The following C1orf21 variants were observed in gnomAD, a reference collection of about 807,000 sequenced individuals.
C1orf21 encodes the protein uncharacterized protein C1orf21.
A neutral mutation model predicts 18.7 loss-of-function variants in C1orf21; 3 were observed. That is an observed-to-expected ratio of 0.16 (90% CI 0.07 to 0.42). C1orf21 has a LOEUF of 0.42. Among genes scored for constraint, C1orf21 ranks in the 10% least tolerant of loss-of-function variants. C1orf21 has a pLI of 0.99. For missense variants in C1orf21, 104 were observed against 143.6 expected, an observed-to-expected ratio of 0.72 and a Z score of 1.41; for synonymous variants, 41 against 46.4, an observed-to-expected ratio of 0.88 and a Z score of 0.47.
intron 3 of C1orf21, among the ~76,000 whole-genome samples, chr1:184,568,939 C>T (rs1659071240): frequency 6.6e-6 from 1 of 152,198 alleles, no homozygotes; most frequent in Non-Finnish European, 1.5e-5. Flanking sequence ...TATTGAGTAC[C>T]TACCACATTA....
At chr1:184,495,502 T>C (rs1439346208) in intron 2 of C1orf21, among the ~76,000 whole-genome samples, 1 of 152,214 alleles carries the variant, frequency 6.6e-6, no homozygotes, top group Non-Finnish European at 1.5e-5. Context: ...CTGCTTTGCA[T>C]TGTTACCTTT....
intron 1 of C1orf21, among the ~76,000 whole-genome samples, chr1:184,401,931 A>G (rs998039096): frequency 6.6e-6 from 1 of 152,154 alleles, no homozygotes; most frequent in Non-Finnish European, 1.5e-5. Context: ...TTAAGAACTA[A>G]TGCGTGTTTT....
chr1:184,562,530 C>T (rs1329206096), intron 3 of C1orf21, among the ~76,000 whole-genome samples: 1 of 152,206 alleles, frequency 6.6e-6, no homozygotes, highest in African/African-American at 2.4e-5. Context: ...GACATTGCCT[C>T]CTACTTCAAG....
chr1:184,428,803 G>T (rs1339113060), intron 1 of C1orf21, among the ~76,000 whole-genome samples: 2 of 152,096 alleles, frequency 1.3e-5, no homozygotes, highest in African/African-American at 4.8e-5. Context: ...AGGGAAAGAA[G>T]CTGGGTCTGA....
At chr1:184,534,421 T>C (rs1658516106) in intron 3 of C1orf21, among the ~76,000 whole-genome samples, 1 of 152,218 alleles carries the variant, frequency 6.6e-6, no homozygotes, top group South Asian at 2.1e-4. Flanking sequence ...ATCTGGGTCT[T>C]CTCATTCCAG....
intron 3 of C1orf21, among the ~76,000 whole-genome samples, chr1:184,577,378 C>G (rs979223230): frequency 5.3e-5 from 8 of 151,974 alleles, no homozygotes; most frequent in African/African-American, 1.9e-4. Flanking sequence ...CAGGTTCTCT[C>G]CTGTTGCCTT....
intron 2 of C1orf21, among the ~76,000 whole-genome samples, chr1:184,486,444 T>C (rs1190393922): frequency 6.6e-6 from 1 of 152,166 alleles, no homozygotes; most frequent in African/African-American, 2.4e-5. Flanking sequence ...GAGGAACACA[T>C]AGTTAATAAG....
intron 1 of C1orf21, among the ~76,000 whole-genome samples, chr1:184,422,844 C>T (rs1243562815): frequency 2.0e-5 from 3 of 152,226 alleles, no homozygotes; most frequent in Admixed American, 6.5e-5. Context: ...ACGTACAGAA[C>T]TTGTCCCCCA....
intron 3 of C1orf21, among the ~76,000 whole-genome samples, chr1:184,589,424 G>A (rs187782432): frequency 7.7e-4 from 118 of 152,324 alleles, no homozygotes; most frequent in African/African-American, 2.8e-3. Flanking sequence ...TACCCCATGT[G>A]GTAAAGAAAG....
intron 3 of C1orf21, chr1:184,568,425 T>C (rs546655644): frequency 6.4e-6 from 3 of 470,580 alleles, no homozygotes; most frequent in Non-Finnish European, 8.8e-6. Context: ...CTACTTTCTG[T>C]CTCCATGAAT....
chr1:184,572,950 CA>C (rs35275397), intron 3 of C1orf21, among the ~76,000 whole-genome samples: 76,255 of 131,740 alleles, frequency 0.58, 22,232 homozygotes, highest in African/African-American at 0.81. Flanking sequence ...GACTCCTTCT[CA>C]AAAAAAAAAA....
intron 1 of C1orf21, among the ~76,000 whole-genome samples, chr1:184,448,732 C>T (rs114087115): frequency 0.02 from 3,085 of 152,198 alleles, 100 homozygotes; most frequent in African/African-American, 0.07. Context: ...TTCTTTTTCT[C>T]TTGGATCTCA....
chr1:184,438,337 T>G (rs1025335392), intron 1 of C1orf21, among the ~76,000 whole-genome samples: 1 of 152,208 alleles, frequency 6.6e-6, no homozygotes, highest in East Asian at 1.9e-4. Context: ...ATTTGAGAGT[T>G]AGAAGGGATC....
At chr1:184,402,668 C>A (rs1241834169) in intron 1 of C1orf21, among the ~76,000 whole-genome samples, 2 of 151,890 alleles carry the variant, frequency 1.3e-5, no homozygotes, top group African/African-American at 4.8e-5. Context: ...GATGTGCCCC[C>A]CTTATATAAT....
intron 2 of C1orf21, among the ~76,000 whole-genome samples, chr1:184,494,077 G>C (rs1657855002): frequency 6.6e-6 from 1 of 152,326 alleles, no homozygotes; most frequent in South Asian, 2.1e-4. Flanking sequence ...TCAGGGAAAA[G>C]TGTCATGAGA....
chr1:184,551,267 G>A (rs1052883250), intron 3 of C1orf21, among the ~76,000 whole-genome samples: 3 of 151,848 alleles, frequency 2.0e-5, no homozygotes, highest in African/African-American at 7.3e-5. Flanking sequence ...AAATCCAGGA[G>A]AAAAAAATGA....
chr1:184,515,184 A>G (rs900210140), intron 3 of C1orf21, among the ~76,000 whole-genome samples: 2 of 152,220 alleles, frequency 1.3e-5, no homozygotes, highest in Non-Finnish European at 2.9e-5. Context: ...GAGTTGGGTC[A>G]GGTGGGAATG....
At chr1:184,486,776 A>G (rs941006807) in intron 2 of C1orf21, among the ~76,000 whole-genome samples, 1 of 152,118 alleles carries the variant, frequency 6.6e-6, no homozygotes, top group African/African-American at 2.4e-5. Context: ...AGTTAGAGAG[A>G]TAAGTAGAAA....
At chr1:184,469,434 G>C (rs1657458420) in intron 1 of C1orf21, among the ~76,000 whole-genome samples, 1 of 152,192 alleles carries the variant, frequency 6.6e-6, no homozygotes, top group African/African-American at 2.4e-5. Flanking sequence ...TGAAAATGTG[G>C]AATATATTGG....
Sources: allele counts gnomAD v4.1 joint callset (sites outside exome capture counted in the v4.1 genomes callset), GRCh38; gene constraint gnomAD v4.1.1; transcripts MANE v1.5; gene names NCBI Gene and HGNC (gene_info 2026-07-23, HGNC 2026-07-21).